Variants in FSTL5 observed in about 807,000 individuals in gnomAD.
The protein encoded by FSTL5 is follistatin-related protein 5.
Under a neutral mutation model 89.1 loss-of-function variants are expected in FSTL5, and 62 were observed. That is an observed-to-expected ratio of 0.70 (90% CI 0.57 to 0.86). The LOEUF (loss-of-function observed/expected upper bound fraction) is 0.86. Among genes scored for constraint, FSTL5 ranks in the 40% least tolerant of loss-of-function variants. The pLI is 0.00. For synonymous variants in FSTL5, 383 were observed against 346.2 expected, an observed-to-expected ratio of 1.11 and a Z score of -1.18; for missense variants, 1,057 against 1,001.6, an observed-to-expected ratio of 1.06 and a Z score of -0.75.
chr4:161,440,059 A>G (rs1047938358), intron 15 of FSTL5, among the ~76,000 whole-genome samples: 20 of 152,170 alleles, frequency 1.3e-4, no homozygotes, highest in African/African-American at 4.3e-4. Context: ...TAAAATTACT[A>G]GAGTCGTAGA....
chr4:161,513,921 C>A (rs980148612), intron 10 of FSTL5, among the ~76,000 whole-genome samples: 1 of 152,064 alleles, frequency 6.6e-6, no homozygotes, highest in African/African-American at 2.4e-5. Context: ...ATCTGTACAA[C>A]AAACCCCCAT....
rs549713949 is a variant in FSTL5, at chr4:161,833,130, C to T, written c.410-57056G>A. 9.5e-3 allele frequency among the ~76,000 whole-genome samples: 1,436 copies of T among 151,076 alleles called. 21 individuals carry two copies. The highest frequency in any genetic ancestry group is 0.032 in the African/African-American group (1,333 of 41,324). ...AACATCTTTATTTCTGCCTTCATTT[C>T]GTTATGTACCCAGTAGTCATTCAGG... On this transcript the variant is annotated intron_variant, in intron 4 of 15. Transcript: ENST00000306100.
intron 6 of FSTL5, among the ~76,000 whole-genome samples, chr4:161,674,363 C>T (rs1299591832): frequency 6.6e-6 from 1 of 152,052 alleles, no homozygotes; most frequent in African/African-American, 2.4e-5. Flanking sequence ...AGATTCAGTG[C>T]AAGTTATGTA....
At chr4:161,742,884 T>A (rs1740075514) in intron 6 of FSTL5, among the ~76,000 whole-genome samples, 1 of 152,172 alleles carries the variant, frequency 6.6e-6, no homozygotes, top group African/African-American at 2.4e-5. Context: ...AATATATTGA[T>A]GTATCTTTAA....
intron 5 of FSTL5, among the ~76,000 whole-genome samples, chr4:161,766,116 A>C (rs752465500): frequency 7.9e-5 from 12 of 152,178 alleles, no homozygotes; most frequent in Non-Finnish European, 1.5e-4. Context: ...TTTAATGTAA[A>C]TCAGTTTATT....
intron 8 of FSTL5, among the ~76,000 whole-genome samples, chr4:161,572,258 G>A (rs1733041568): frequency 6.9e-6 from 1 of 144,040 alleles, no homozygotes. Flanking sequence ...GTTCAGGGTT[G>A]CAGTGAGCCT....
intron 5 of FSTL5, among the ~76,000 whole-genome samples, chr4:161,763,407 G>A (rs1257988201): frequency 6.6e-6 from 1 of 152,190 alleles, no homozygotes; most frequent in Non-Finnish European, 1.5e-5. Context: ...AGGTATGGGT[G>A]TTAGATTTCT....
At chr4:161,915,493 A>T (rs1267484817) in intron 4 of FSTL5, among the ~76,000 whole-genome samples, 1 of 152,168 alleles carries the variant, frequency 6.6e-6, no homozygotes, top group Admixed American at 6.5e-5. Flanking sequence ...TATATAAAAC[A>T]TCTATCATAT....
At chr4:161,772,484 A>G (rs781211603) in intron 5 of FSTL5, among the ~76,000 whole-genome samples, 2 of 142,260 alleles carry the variant, frequency 1.4e-5, no homozygotes, top group Non-Finnish European at 3.0e-5. Context: ...TAGAACTGAT[A>G]AATGAATTCA....
intron 6 of FSTL5, among the ~76,000 whole-genome samples, chr4:161,671,060 T>C (rs1404979752): frequency 6.6e-6 from 1 of 152,190 alleles, no homozygotes; most frequent in Non-Finnish European, 1.5e-5. Flanking sequence ...GCAGTCCAGC[T>C]CTAATCAGCT....
chr4:161,851,023 T>G (rs1731532414), intron 4 of FSTL5, among the ~76,000 whole-genome samples: 1 of 152,204 alleles, frequency 6.6e-6, no homozygotes. Flanking sequence ...CAAAGATGAC[T>G]GTAAGCAAAT....
chr4:161,751,056 AGCAAAAT>A (rs1323302014), intron 6 of FSTL5, among the ~76,000 whole-genome samples: 3 of 152,192 alleles, frequency 2.0e-5, no homozygotes, highest in African/African-American at 7.2e-5. Flanking sequence ...TATGTTAGCA[AGCAAAAT>A]GTACCAGTTA....
intron 3 of FSTL5, among the ~76,000 whole-genome samples, chr4:161,934,110 A>G (rs1734366420): frequency 6.6e-6 from 1 of 152,096 alleles, no homozygotes; most frequent in African/African-American, 2.4e-5. Flanking sequence ...ATAAAGAAGA[A>G]ACTAGCTCCA....
At chr4:161,616,890 C>G (rs1197009469) in intron 7 of FSTL5, among the ~76,000 whole-genome samples, 2 of 150,534 alleles carry the variant, frequency 1.3e-5, no homozygotes, top group Non-Finnish European at 3.0e-5. Context: ...AAAAAGAAAC[C>G]AGAGTAACTA....
At chr4:161,773,168 A>C (rs1236188028) in intron 5 of FSTL5, among the ~76,000 whole-genome samples, 2 of 152,140 alleles carry the variant, frequency 1.3e-5, no homozygotes, top group Non-Finnish European at 2.9e-5. Context: ...CTGGATCCTC[A>C]TCTCGCACCT....
intron 4 of FSTL5, among the ~76,000 whole-genome samples, chr4:161,866,866 T>G (rs1489766290): frequency 1.3e-5 from 2 of 151,928 alleles, no homozygotes; most frequent in Non-Finnish European, 2.9e-5. Flanking sequence ...AATAAAGAAA[T>G]AAATGATGAT....
intron 5 of FSTL5, among the ~76,000 whole-genome samples, chr4:161,767,336 A>G (rs747312061): frequency 6.6e-6 from 1 of 152,208 alleles, no homozygotes; most frequent in African/African-American, 2.4e-5. Context: ...TACAATACTT[A>G]TGGGAGAGAC....
chr4:161,526,828 C>T (rs1006039315), intron 10 of FSTL5, among the ~76,000 whole-genome samples: 6 of 152,068 alleles, frequency 3.9e-5, no homozygotes, highest in African/African-American at 1.2e-4. Context: ...GTACCAGTAC[C>T]ATGCTGTTTT....
chr4:161,642,532 A>G (rs1003194876), intron 7 of FSTL5, among the ~76,000 whole-genome samples: 1 of 152,214 alleles, frequency 6.6e-6, no homozygotes, highest in African/African-American at 2.4e-5. Flanking sequence ...CAAGATGGAT[A>G]TACAAATATT....
Sources: allele counts gnomAD v4.1 joint callset (sites outside exome capture counted in the v4.1 genomes callset), GRCh38; gene constraint gnomAD v4.1.1; transcripts MANE v1.5; gene names NCBI Gene and HGNC (gene_info 2026-07-23, HGNC 2026-07-21).